The following GSG1L variants were observed in gnomAD, a reference collection of about 807,000 sequenced individuals.
GSG1L encodes GSG1 like.
Under a neutral mutation model 42.1 loss-of-function variants are expected in GSG1L, and 24 were observed. The observed-to-expected ratio is 0.57, with a 90% CI of 0.41 to 0.80. GSG1L has a LOEUF of 0.80. Ranked by LOEUF, GSG1L falls within the 30% of genes least tolerant of loss-of-function variation. The pLI, the probability that GSG1L is intolerant of heterozygous loss-of-function variation, is 0.00. For synonymous variants in GSG1L, 215 were observed against 203.5 expected (o/e 1.06, Z -0.48); for missense variants, 445 against 472.2 (o/e 0.94, Z 0.53).
chr16:27,884,481 C>T lies in GSG1L; in HGVS notation c.550+5G>A. The T allele has an allele frequency of 6.2e-7, 1 of 1,612,770 alleles. No individual in the cohort carries two copies. The highest frequency in any genetic ancestry group is 8.5e-7 in the Non-Finnish European group (1 of 1,179,358). On this transcript the variant is annotated splice_donor_5th_base_variant and intron_variant, in intron 3 of 6. Transcript: ENST00000447459. The surrounding 1 kb of genome is among the most constrained non-coding windows in gnomAD (Gnocchi z 4.4). ...TGAGAGGCCACAGGACCAGCCATGC[C>T]TTACCTGAGAGCACCGTGAAGACAG...
intron 1 of GSG1L, among the ~76,000 whole-genome samples, chr16:28,014,746 A>C (rs1596702265): frequency 7.4e-6 from 1 of 135,422 alleles, no homozygotes; most frequent in Non-Finnish European, 1.5e-5. Context: ...CAATCCTCCC[A>C]CCTCAGCCTT....
intron 2 of GSG1L, among the ~76,000 whole-genome samples, chr16:27,947,985 C>T (rs912583348): frequency 6.6e-6 from 1 of 152,152 alleles, no homozygotes; most frequent in South Asian, 2.1e-4. Context: ...ACAAGTGTCA[C>T]CCCCATGGTG....
rs147157822 is a variant in GSG1L, at chr16:28,030,411, C to A, written c.349+32665G>T. Among the ~76,000 whole-genome samples, 1,165 of 152,044 alleles carry A rather than the reference C, an allele frequency of 7.7e-3. 9 individuals carry two copies. The highest frequency in any genetic ancestry group is 0.031 in the Middle Eastern group (9 of 294). ...AAACCTGGAGCTGCTGGGGCCACTA[C>A]ATGAAGAGGACTGCCAGAGAGTGAA... On this transcript the variant is annotated intron_variant, in intron 1 of 6. Coordinates refer to ENST00000447459, the MANE Select transcript of GSG1L (RefSeq NM_001109763.2).
chr16:27,889,436 A>C (rs1223079783), intron 2 of GSG1L, among the ~76,000 whole-genome samples: 1 of 152,184 alleles, frequency 6.6e-6, no homozygotes, highest in Non-Finnish European at 1.5e-5. Context: ...AAGGGCTGAC[A>C]GTTATGAGGT....
chr16:27,896,067 T>C (rs2084188596), intron 2 of GSG1L, among the ~76,000 whole-genome samples: 1 of 152,164 alleles, frequency 6.6e-6, no homozygotes, highest in African/African-American at 2.4e-5. Context: ...ACTGAAGACC[T>C]GCATTGTCAT....
In GSG1L at chr16:27,888,571, CT is replaced by C. The variant is rs1245752919; in HGVS notation, c.398-3934del. Reference sequence around the variant, plus strand: ...TCTTTCTTTCTTTCTTTCTTTCTTTCTTTCTTTCTTTCTCCGTCTCTCTCTG... The same window carrying C: ...TCTTTCTTTCTTTCTTTCTTTCTTTCTTCTTTCTTTCTCCGTCTCTCTCTG... On this transcript the variant is annotated intron_variant, in intron 2 of 6. Transcript: ENST00000447459. Among the ~76,000 whole-genome samples the C allele has an allele frequency of 2.3e-5, 3 of 133,000 alleles. 1 individual carries two copies. Among genetic ancestry groups the C allele is most frequent in the African/African-American group, 8.7e-5 (3 of 34,502 alleles). 87.3% of individuals were successfully genotyped at this position (133,000 alleles called of 152,430 possible).
chr16:27,959,112 C>T (rs774443091), intron 2 of GSG1L, among the ~76,000 whole-genome samples: 10 of 151,404 alleles, frequency 6.6e-5, no homozygotes, highest in East Asian at 2.0e-4. Context: ...GAGTGTCTTA[C>T]GTGTGCTAAT....
intron 1 of GSG1L, among the ~76,000 whole-genome samples, chr16:27,978,898 G>A (rs2085281572): frequency 6.6e-6 from 1 of 152,100 alleles, no homozygotes; most frequent in African/African-American, 2.4e-5. Context: ...GACATCTTCA[G>A]TTAGGATTTA....
chr16:27,942,664 G>A (rs1411366542), intron 2 of GSG1L, among the ~76,000 whole-genome samples: 1 of 152,146 alleles, frequency 6.6e-6, no homozygotes, highest in Non-Finnish European at 1.5e-5. Context: ...ACAAAAAGAT[G>A]TTCAACCTCA....
intron 1 of GSG1L, among the ~76,000 whole-genome samples, chr16:28,038,932 G>T: frequency 6.6e-6 from 1 of 152,180 alleles, no homozygotes; most frequent in East Asian, 1.9e-4. Context: ...GGCTCTATCA[G>T]ATCCACAGAG....
intron 2 of GSG1L, among the ~76,000 whole-genome samples, chr16:27,934,964 C>T (rs996057356): frequency 1.3e-5 from 2 of 152,168 alleles, no homozygotes; most frequent in Non-Finnish European, 2.9e-5. Flanking sequence ...CAAGGCAGTG[C>T]CCTTGTGGAG....
At chr16:27,795,164 G>A (rs927767687) in intron 6 of GSG1L, among the ~76,000 whole-genome samples, 2 of 149,454 alleles carry the variant, frequency 1.3e-5, no homozygotes, top group African/African-American at 5.0e-5. Context: ...CACAGAGCAA[G>A]TCCCAAACTG....
intron 5 of GSG1L, among the ~76,000 whole-genome samples, chr16:27,822,417 G>T (rs58479236): frequency 0.022 from 3,289 of 151,992 alleles, 128 homozygotes; most frequent in African/African-American, 0.076. Flanking sequence ...ATGTTTTTTT[G>T]GTTTGGTTTG....
intron 2 of GSG1L, among the ~76,000 whole-genome samples, chr16:27,912,201 G>A (rs144071754): frequency 1.3e-3 from 199 of 152,240 alleles, no homozygotes; most frequent in African/African-American, 4.6e-3. Flanking sequence ...CCCACTTAAG[G>A]TCAGACAACT....
chr16:27,793,364 A>G (rs1052613309), intron 6 of GSG1L, among the ~76,000 whole-genome samples: 1 of 152,116 alleles, frequency 6.6e-6, no homozygotes, highest in African/African-American at 2.4e-5. Context: ...AAGGGGTGGG[A>G]AACATTTTGC....
rs1220288545 is a variant in GSG1L, at chr16:28,059,908, A to G, written c.349+3168T>C. ...GCAGTTTTCTTTGTGAACACTGTAGATTTTTAGTGTGGGAAAAAGGGCTTA... is the reference window on the plus strand; with the variant it reads ...GCAGTTTTCTTTGTGAACACTGTAGGTTTTTAGTGTGGGAAAAAGGGCTTA... On this transcript the variant is annotated intron_variant, in intron 1 of 6. Coordinates refer to ENST00000447459, the MANE Select transcript of GSG1L (RefSeq NM_001109763.2). The surrounding 1 kb of genome is among the most constrained non-coding windows in gnomAD (Gnocchi z 4.4). 6.6e-6 allele frequency among the ~76,000 whole-genome samples: 1 copy of G among 152,140 alleles called. No homozygotes were observed. The highest frequency in any genetic ancestry group is 2.4e-5 in the African/African-American group (1 of 41,412).
intron 1 of GSG1L, among the ~76,000 whole-genome samples, chr16:27,980,331 C>A (rs77876799): frequency 0.011 from 1,700 of 152,222 alleles, 27 homozygotes; most frequent in African/African-American, 0.039. Flanking sequence ...GTCTGAAGAT[C>A]GTGACTTAAT....
intron 4 of GSG1L, among the ~76,000 whole-genome samples, chr16:27,842,100 G>C (rs1201662064): frequency 8.5e-6 from 1 of 118,008 alleles, no homozygotes; most frequent in Admixed American, 8.3e-5. Flanking sequence ...TCAGTAGCAC[G>C]ATGTCGCGCG....
chr16:27,939,152 C>T (rs1473853850), intron 2 of GSG1L, among the ~76,000 whole-genome samples: 2 of 151,704 alleles, frequency 1.3e-5, no homozygotes, highest in South Asian at 2.1e-4. Flanking sequence ...GACAGGGTTT[C>T]GCTCCGTCAC....
Sources: gnomAD v4.1 joint callset for allele counts (sites outside exome capture counted in the v4.1 genomes callset) on GRCh38, gnomAD v4.1.1 for gene constraint, Gnocchi (gnomAD v3.1) non-coding constraint, MANE v1.5 for transcripts, NCBI Gene and HGNC (gene_info 2026-07-23, HGNC 2026-07-21) for gene names.